Variants in RTKN2 observed in about 807,000 individuals in gnomAD.
RTKN2 encodes rhotekin 2.
Under a neutral mutation model 71.5 loss-of-function variants are expected in RTKN2, and 69 were observed. The observed-to-expected ratio is 0.96, with a 90% confidence interval of 0.79 to 1.18. The LOEUF (loss-of-function observed/expected upper bound fraction) is 1.18. RTKN2 is among the 50% of genes most tolerant of loss of function. The pLI is 0.00. For synonymous variants in RTKN2, 236 were observed against 236.5 expected, an observed-to-expected ratio of 1.00 and a Z score of 0.02; for missense variants, 724 against 719.7, an observed-to-expected ratio of 1.01 and a Z score of -0.07.
At chr10:62,219,346 C>T (rs4420157) in intron 7 of RTKN2, among the ~76,000 whole-genome samples, 111,423 of 151,986 alleles carry the variant, frequency 0.73, 41,116 homozygotes, top group East Asian at 0.9. Flanking sequence ...TGACATCGAA[C>T]ATTAGAGCCC....
At chr10:62,218,996 C>CAAAACAAAAACAAAAACA (rs6143947) in intron 7 of RTKN2, among the ~76,000 whole-genome samples, 12 of 151,426 alleles carry the variant, frequency 7.9e-5, no homozygotes, top group Admixed American at 2.6e-4. Flanking sequence ...AAAAACAAAG[C>CAAAACAAAAACAAAAACA]AAAACAAAAA....
intron 2 of RTKN2, among the ~76,000 whole-genome samples, chr10:62,247,102 T>C (rs955961305): frequency 5.3e-5 from 8 of 151,982 alleles, no homozygotes; most frequent in Non-Finnish European, 7.4e-5. Context: ...CATTTGGATA[T>C]TGTTTGATTC....
intron 8 of RTKN2, among the ~76,000 whole-genome samples, chr10:62,185,170 T>C (rs1202788024): frequency 6.6e-6 from 1 of 151,604 alleles, no homozygotes; most frequent in Non-Finnish European, 1.5e-5. Context: ...CTTATTTCTA[T>C]AATCTATCAA....
At chr10:62,264,244 TTTAAC>T (rs1181488713) in intron 1 of RTKN2, among the ~76,000 whole-genome samples, 4 of 152,192 alleles carry the variant, frequency 2.6e-5, no homozygotes, top group African/African-American at 9.7e-5. Context: ...CAGTAGATGA[TTTAAC>T]TTGACTATCC....
chr10:62,199,340 T>G (rs1841393585), intron 11 of RTKN2, among the ~76,000 whole-genome samples: 1 of 152,202 alleles, frequency 6.6e-6, no homozygotes, highest in Non-Finnish European at 1.5e-5. Context: ...TGGCTAGAGA[T>G]GAAAGCTTCC....
At chr10:62,188,996 C>T (rs549807812), downstream of RTKN2, among the ~76,000 whole-genome samples, 5 of 151,696 alleles carry the variant, frequency 3.3e-5, no homozygotes, top group East Asian at 9.7e-4. Context: ...GATCCGCCCA[C>T]GTCGGCCTCC....
At chr10:62,220,043 T>C (rs1258014400) in intron 7 of RTKN2, among the ~76,000 whole-genome samples, 4 of 152,194 alleles carry the variant, frequency 2.6e-5, no homozygotes, top group African/African-American at 9.7e-5. Context: ...CTGTTGGTAG[T>C]GCCTACAAAA....
chr10:62,243,101 T>G (rs1249508244), intron 3 of RTKN2, among the ~76,000 whole-genome samples: 1 of 151,000 alleles, frequency 6.6e-6, no homozygotes, highest in Non-Finnish European at 1.5e-5. Context: ...TCATTTAGCA[T>G]TAGATATATC....
intron 5 of RTKN2, chr10:62,239,419 ACTG>A (rs1011121429): frequency 9.4e-6 from 3 of 317,724 alleles, no homozygotes; most frequent in African/African-American, 6.6e-5. Flanking sequence ...TCAAATATTT[ACTG>A]CTAATAGTAA....
At chr10:62,218,648 T>A (rs1841833067) in intron 7 of RTKN2, among the ~76,000 whole-genome samples, 1 of 152,222 alleles carries the variant, frequency 6.6e-6, no homozygotes, top group South Asian at 2.1e-4. Context: ...AACATTCTAA[T>A]AAAGTAATTT....
At position 62,204,880 on chromosome 10, in the gene RTKN2, A is replaced by G; in HGVS notation, c.1163T>C (p.Phe388Ser). Residue 388 changes from phenylalanine (F) to serine (S), a missense_variant, in exon 10 of 12, where the codon TTC (phenylalanine) becomes TCC (serine). Phe to Ser is a radical substitution (Grantham distance 155). Coordinates refer to ENST00000373789, the MANE Select transcript of RTKN2 (RefSeq NM_145307.4). ...ACTAAGATCAAAGAAATGCTGCCAG[A>G]AGGCTTCCATCCACTTCTGAAGATC... The part of the protein sequence containing the change: ...REDLQKWMEA[F>S]WQHFFDLSQW... The G allele has an allele frequency of 6.4e-7, 1 of 1,573,162 alleles. No homozygotes were observed. Among genetic ancestry groups the G allele is most frequent in the Non-Finnish European group, 8.6e-7 (1 of 1,166,572 alleles).
At chr10:62,200,386 A>G (rs1260117580) in intron 10 of RTKN2, among the ~76,000 whole-genome samples, 2 of 135,230 alleles carry the variant, frequency 1.5e-5, no homozygotes, top group African/African-American at 5.5e-5. Flanking sequence ...AAAAAAAAAA[A>G]GAAAAAAGAA....
intron 6 of RTKN2, among the ~76,000 whole-genome samples, chr10:62,225,870 C>T (rs1842011205): frequency 6.6e-6 from 1 of 151,968 alleles, no homozygotes; most frequent in Non-Finnish European, 1.5e-5. Context: ...CAAGCTCCGC[C>T]TTCCGGGTTC....
At chr10:62,216,753 G>T (rs1319470132) in intron 9 of RTKN2, among the ~76,000 whole-genome samples, 1 of 151,942 alleles carries the variant, frequency 6.6e-6, no homozygotes, top group African/African-American at 2.4e-5. Flanking sequence ...TCTTTTTATG[G>T]CTTCATTTGA....
At chr10:62,255,860 G>C (rs1429397097) in intron 2 of RTKN2, among the ~76,000 whole-genome samples, 3 of 151,966 alleles carry the variant, frequency 2.0e-5, no homozygotes, top group Admixed American at 2.0e-4. Context: ...GCCTCACCTA[G>C]AAAAAAATGT....
chr10:62,218,188 C>T lies in RTKN2; in HGVS notation c.888+7G>A, dbSNP rs762711713. On this transcript the variant is annotated splice_region_variant and intron_variant, in intron 8 of 11. Coordinates refer to ENST00000373789, the MANE Select transcript of RTKN2 (RefSeq NM_145307.4). ...CAATTGTTGTAGGATATTTAAAGTC[C>T]TCTAACCTGCTGATTAAGAAATCCT... 2 of 1,585,028 alleles carry T rather than the reference C, an allele frequency of 1.3e-6. No homozygotes were observed. The highest frequency in any genetic ancestry group is 2.2e-5 in the South Asian group (2 of 89,854).
intron 7 of RTKN2, among the ~76,000 whole-genome samples, chr10:62,221,266 T>C (rs1176660174): frequency 6.6e-6 from 1 of 151,988 alleles, no homozygotes; most frequent in East Asian, 1.9e-4. Context: ...TTAATAAGTA[T>C]GATTAATGAA....
At chr10:62,264,686 C>A (rs1370601108) in intron 1 of RTKN2, among the ~76,000 whole-genome samples, 1 of 152,136 alleles carries the variant, frequency 6.6e-6, no homozygotes, top group African/African-American at 2.4e-5. Flanking sequence ...TTAAATGATA[C>A]AATGAAACAG....
chr10:62,254,340 G>A (rs983684397), intron 2 of RTKN2, among the ~76,000 whole-genome samples: 2 of 152,148 alleles, frequency 1.3e-5, no homozygotes, highest in Non-Finnish European at 2.9e-5. Flanking sequence ...CTCTTCCGTC[G>A]CCATGTGAAG....
Sources: gnomAD v4.1 joint callset for allele counts (sites outside exome capture counted in the v4.1 genomes callset) on GRCh38, gnomAD v4.1.1 for gene constraint, MANE v1.5 for transcripts, NCBI Gene and HGNC (gene_info 2026-07-23, HGNC 2026-07-21) for gene names.